The following SEMA5A variants were observed in gnomAD, a reference collection of about 807,000 sequenced individuals.
The protein encoded by SEMA5A is semaphorin 5A, also known as semaphorin-5A.
SEMA5A carries 55 observed loss-of-function variants against 135.5 expected under a neutral mutation model. The observed-to-expected ratio is 0.41, with a 90% confidence interval of 0.33 to 0.51. The LOEUF is 0.51. Among genes scored for constraint, SEMA5A ranks in the 20% least tolerant of loss-of-function variants. SEMA5A has a pLI of 0.37. For synonymous variants in SEMA5A, 580 were observed against 546.5 expected, an observed-to-expected ratio of 1.06 and a Z score of -0.85; for missense variants, 1,290 against 1,419.9, an observed-to-expected ratio of 0.91 and a Z score of 1.47.
chr5:9,520,477 G>A (rs1736765815), intron 1 of SEMA5A, among the ~76,000 whole-genome samples: 1 of 152,166 alleles, frequency 6.6e-6, no homozygotes, highest in African/African-American at 2.4e-5. Context: ...CTTAGAAGGT[G>A]AGGGTGGGTA....
chr5:9,158,504 TAAAA>T (rs3842073), intron 11 of SEMA5A, among the ~76,000 whole-genome samples: 81,606 of 144,736 alleles, frequency 0.56, 24,788 homozygotes, highest in Middle Eastern at 0.76. Flanking sequence ...GATCAACAAG[TAAAA>T]AAAAAAAAAA....
At chr5:9,197,092 C>A in intron 10 of SEMA5A, 76 bp downstream of exon 10, 1 of 1,588,082 alleles carries the variant, frequency 6.3e-7, no homozygotes, top group Non-Finnish European at 8.6e-7. Context: ...TTTAAATTAC[C>A]CTTGCCTGTC....
At chr5:9,354,732 A>T (rs1754368583) in intron 3 of SEMA5A, among the ~76,000 whole-genome samples, 1 of 152,182 alleles carries the variant, frequency 6.6e-6, no homozygotes, top group Non-Finnish European at 1.5e-5. Context: ...TGTAACTAAA[A>T]CAGAGTAACT....
intron 15 of SEMA5A, among the ~76,000 whole-genome samples, chr5:9,117,913 T>C (rs1174355193): frequency 1.3e-5 from 2 of 152,212 alleles, no homozygotes; most frequent in Non-Finnish European, 2.9e-5. Flanking sequence ...CCCTGCTTGG[T>C]AAAAATCATC....
At chr5:9,205,420 AG>A (rs568415929) in intron 8 of SEMA5A, among the ~76,000 whole-genome samples, 62 of 152,282 alleles carry the variant, frequency 4.1e-4, no homozygotes, top group Non-Finnish European at 1.8e-4. Flanking sequence ...GGGTGTTTCA[AG>A]GAGGGCCAAC....
intron 1 of SEMA5A, among the ~76,000 whole-genome samples, chr5:9,486,681 G>A (rs1290893775): frequency 1.3e-5 from 2 of 151,858 alleles, no homozygotes; most frequent in East Asian, 3.9e-4. Flanking sequence ...GAAATGCATG[G>A]AAAAAAATGG....
chr5:9,401,356 A>C (rs1051267499), intron 2 of SEMA5A, among the ~76,000 whole-genome samples: 3 of 152,220 alleles, frequency 2.0e-5, no homozygotes, highest in South Asian at 4.1e-4. Context: ...GCCATATGTC[A>C]GCCAAAGACA....
At chr5:9,316,750 A>T (rs1223179844) in intron 5 of SEMA5A, among the ~76,000 whole-genome samples, 1 of 152,172 alleles carries the variant, frequency 6.6e-6, no homozygotes, top group African/African-American at 2.4e-5. Context: ...AATCAAGCTA[A>T]TTAATATGCA....
At chr5:9,287,135 T>C (rs1579283559) in intron 5 of SEMA5A, among the ~76,000 whole-genome samples, 1 of 152,124 alleles carries the variant, frequency 6.6e-6, no homozygotes, top group Non-Finnish European at 1.5e-5. Flanking sequence ...TCCAGAGACA[T>C]AGGCAAGTGT....
At chr5:9,103,080 A>G (rs1051846961) in intron 16 of SEMA5A, among the ~76,000 whole-genome samples, 5 of 152,146 alleles carry the variant, frequency 3.3e-5, no homozygotes, top group East Asian at 3.9e-4. Context: ...TCTTGTTCGT[A>G]TACTTGCTGA....
chr5:9,487,950 G>A (rs1053576662), intron 1 of SEMA5A, among the ~76,000 whole-genome samples: 2 of 151,942 alleles, frequency 1.3e-5, no homozygotes, highest in Non-Finnish European at 2.9e-5. Context: ...TGTTTGGGGG[G>A]CCAAAAATGT....
In SEMA5A at chr5:9,092,449, G is replaced by A. The variant is rs759734496; in HGVS notation, c.2073+15691C>T. 8.5e-5 allele frequency among the ~76,000 whole-genome samples: 13 copies of A among 152,286 alleles called. No homozygotes were observed. The South Asian group carries it at 1.0e-3, about 12-fold the overall frequency. On this transcript the variant is annotated intron_variant, in intron 16 of 22. Transcript: ENST00000382496. ...TTCTTGCCTGTGGGGACCTGATAAGGTCCTGGAAGATCCCTGCCAAGTATT... is the reference window on the plus strand; with the variant it reads ...TTCTTGCCTGTGGGGACCTGATAAGATCCTGGAAGATCCCTGCCAAGTATT...
chr5:9,196,168 T>C (rs955757580), intron 10 of SEMA5A, among the ~76,000 whole-genome samples: 2 of 152,222 alleles, frequency 1.3e-5, no homozygotes, highest in Non-Finnish European at 2.9e-5. Context: ...CAGAAGGCCC[T>C]CCAGGGAAGC....
intron 5 of SEMA5A, among the ~76,000 whole-genome samples, chr5:9,238,745 T>C (rs1748047710): frequency 6.6e-6 from 1 of 151,976 alleles, no homozygotes; most frequent in African/African-American, 2.4e-5. Context: ...TGAACTTTTA[T>C]AGGGTAAAAA....
chr5:9,523,400 A>G (rs1736946405), intron 1 of SEMA5A, among the ~76,000 whole-genome samples: 1 of 152,206 alleles, frequency 6.6e-6, no homozygotes, highest in Non-Finnish European at 1.5e-5. Context: ...GGAATTGTAA[A>G]CATTTAAAGT....
At chr5:9,367,154 A>G (rs1320017159) in intron 3 of SEMA5A, among the ~76,000 whole-genome samples, 1 of 152,244 alleles carries the variant, frequency 6.6e-6, no homozygotes, top group East Asian at 1.9e-4. Flanking sequence ...ATTTTAATTT[A>G]ACTAATTAAA....
At chr5:9,405,736 C>T (rs111827943) in intron 2 of SEMA5A, among the ~76,000 whole-genome samples, 227 of 152,308 alleles carry the variant, frequency 1.5e-3, no homozygotes, top group African/African-American at 5.2e-3. Flanking sequence ...AATTAATCTC[C>T]ATGCCCTTTT....
chr5:9,353,337 TGAAAG>T (rs1754284869), intron 3 of SEMA5A, among the ~76,000 whole-genome samples: 3 of 55,370 alleles, frequency 5.4e-5, no homozygotes, highest in African/African-American at 2.1e-4. Context: ...GGAAAGGAAA[TGAAAG>T]GAAAGGAAAG....
At chr5:9,463,692 G>C (rs991635402) in intron 1 of SEMA5A, among the ~76,000 whole-genome samples, 12 of 152,174 alleles carry the variant, frequency 7.9e-5, no homozygotes, top group Admixed American at 6.5e-5. Flanking sequence ...TCCCTAAGCA[G>C]CTCACTGTCT....
Sources: allele counts gnomAD v4.1 joint callset (sites outside exome capture counted in the v4.1 genomes callset), GRCh38; gene constraint gnomAD v4.1.1; transcripts MANE v1.5; gene names NCBI Gene and HGNC (gene_info 2026-07-23, HGNC 2026-07-21).